Variants in TENM2 observed in about 807,000 individuals in gnomAD.
TENM2 encodes the protein teneurin transmembrane protein 2, also known as teneurin-2.
In TENM2, 52 loss-of-function variants were observed where a neutral mutation model predicts 245.2. The observed-to-expected ratio is 0.21, with a 90% CI of 0.17 to 0.27. The LOEUF (loss-of-function observed/expected upper bound fraction) is 0.27. Among genes scored for constraint, TENM2 ranks in the 10% least tolerant of loss-of-function variants. The pLI, the probability that TENM2 is intolerant of heterozygous loss-of-function variation, is 1.00. For missense variants in TENM2, 3,046 were observed against 3,666.8 expected, an observed-to-expected ratio of 0.83 and a Z score of 4.37; for synonymous variants, 1,363 against 1,438.9, an observed-to-expected ratio of 0.95 and a Z score of 1.19.
chr5:167,003,206 C>T, the TENM2 span, among the ~76,000 whole-genome samples: 1 of 151,864 alleles, frequency 6.6e-6, no homozygotes. Context: ...ATAAATTAAA[C>T]AGACATGATA....
intron 2 of TENM2, among the ~76,000 whole-genome samples, chr5:167,556,489 G>A (rs1385846419): frequency 1.3e-5 from 2 of 151,616 alleles, no homozygotes; most frequent in African/African-American, 2.4e-5. Flanking sequence ...TTCTAGTTGT[G>A]TTGATTTTGA....
intron 2 of TENM2, among the ~76,000 whole-genome samples, chr5:167,640,905 ATCTTTCTCT>A (rs1779567628): frequency 3.0e-5 from 3 of 98,810 alleles, no homozygotes; most frequent in Admixed American, 2.2e-4. Context: ...ATATATATAT[ATCTTTCTCT>A]TAAGCTTAGT....
At chr5:168,223,626 C>G (rs1232535346) in intron 23 of TENM2, among the ~76,000 whole-genome samples, 1 of 152,010 alleles carries the variant, frequency 6.6e-6, no homozygotes, top group Non-Finnish European at 1.5e-5. Context: ...GGCACTGCGC[C>G]CAGCTAATTT....
At chr5:167,721,616 C>G (rs762032587) in intron 2 of TENM2, among the ~76,000 whole-genome samples, 3 of 152,178 alleles carry the variant, frequency 2.0e-5, no homozygotes, top group Non-Finnish European at 4.4e-5. Flanking sequence ...TCACATTTCC[C>G]TCTGACCACA....
the TENM2 span, among the ~76,000 whole-genome samples, chr5:167,019,054 A>T: frequency 6.6e-6 from 1 of 152,180 alleles, no homozygotes; most frequent in African/African-American, 2.4e-5. Flanking sequence ...TGAGCTTTGC[A>T]TTCCTATTTT....
chr5:167,204,196 ATAAGGGG>A, the TENM2 span, among the ~76,000 whole-genome samples: 1 of 152,192 alleles, frequency 6.6e-6, no homozygotes, highest in South Asian at 2.1e-4. Context: ...AATGAAAGAA[ATAAGGGG>A]TAATGGCCTG....
chr5:167,039,703 G>C, the TENM2 span, among the ~76,000 whole-genome samples: 1 of 149,218 alleles, frequency 6.7e-6, no homozygotes, highest in East Asian at 2.0e-4. Context: ...TTACATAAGT[G>C]TTAGCATTGG....
At position 167,767,195 on chromosome 5, in the gene TENM2, AC is replaced by A. The variant is rs201425060; in HGVS notation, c.503-108789del. Among the ~76,000 whole-genome samples the A allele has an allele frequency of 6.9e-3, 1,055 of 152,348 alleles. 5 individuals carry two copies. Among genetic ancestry groups the A allele is most frequent in the Non-Finnish European group, 0.011 (770 of 68,040 alleles). Reference sequence around the variant, plus strand: ...GAATACACAAATGTGGCATACACATACCACAAAATATTATTCAATCTTAAAA... The same window carrying A: ...GAATACACAAATGTGGCATACACATACACAAAATATTATTCAATCTTAAAA... On this transcript the variant is annotated intron_variant, in intron 2 of 28. Transcript: ENST00000518659.
intron 2 of TENM2, among the ~76,000 whole-genome samples, chr5:167,797,892 G>T (rs1765433265): frequency 6.6e-6 from 1 of 152,182 alleles, no homozygotes; most frequent in Admixed American, 6.5e-5. Context: ...GGAAAACATG[G>T]ATCTAACACA....
chr5:167,235,048 A>C, the TENM2 span, among the ~76,000 whole-genome samples: 5 of 152,122 alleles, frequency 3.3e-5, no homozygotes, highest in African/African-American at 1.2e-4. Context: ...AACAGTAGGA[A>C]TGTATTTCCT....
intron 2 of TENM2, among the ~76,000 whole-genome samples, chr5:167,679,022 G>C (rs774400781): frequency 1.2e-4 from 18 of 152,062 alleles, no homozygotes; most frequent in Admixed American, 2.6e-4. Flanking sequence ...TGAACATAAA[G>C]TAATTAAAAG....
chr5:167,246,463 AATCTAT>A, the TENM2 span, among the ~76,000 whole-genome samples: 1 of 151,714 alleles, frequency 6.6e-6, no homozygotes, highest in Non-Finnish European at 1.5e-5. Context: ...AATATGAAAG[AATCTAT>A]ATGTATATGT....
chr5:167,647,432 G>C (rs1780036470), intron 2 of TENM2, among the ~76,000 whole-genome samples: 1 of 152,100 alleles, frequency 6.6e-6, no homozygotes, highest in Non-Finnish European at 1.5e-5. Context: ...AGATAAGCCT[G>C]ACCAACATGG....
chr5:167,333,890 G>GA (rs913990519), intron 1 of TENM2, among the ~76,000 whole-genome samples: 12 of 152,022 alleles, frequency 7.9e-5, no homozygotes, highest in Admixed American at 6.6e-4. Flanking sequence ...AGCAATATTA[G>GA]AAAAAAATAG....
chr5:167,489,199 T>C (rs1445082533), intron 2 of TENM2, among the ~76,000 whole-genome samples: 1 of 152,214 alleles, frequency 6.6e-6, no homozygotes, highest in African/African-American at 2.4e-5. Context: ...CATGTTGACC[T>C]TTATTTCAAA....
the TENM2 span, among the ~76,000 whole-genome samples, chr5:167,234,565 T>C: frequency 6.6e-6 from 1 of 152,210 alleles, no homozygotes; most frequent in Non-Finnish European, 1.5e-5. Context: ...AGAGGTCAAC[T>C]TGAAAATGTC....
chr5:168,158,846 T>C lies in TENM2; in HGVS notation c.2423-3765T>C, dbSNP rs1235366684. ...GTGTGTGTGTATATATATATATATATATATACACACACACACACACACATA... is the reference window on the plus strand; with the variant it reads ...GTGTGTGTGTATATATATATATATACATATACACACACACACACACACATA... On this transcript the variant is annotated intron_variant, in intron 12 of 28. Coordinates refer to ENST00000518659, the Ensembl canonical transcript of TENM2. Among the ~76,000 whole-genome samples, 130 of 85,710 alleles carry C rather than the reference T, an allele frequency of 1.5e-3. 3 individuals are homozygous for C. Among genetic ancestry groups the C allele is most frequent in the African/African-American group, 4.2e-3 (101 of 23,984 alleles). The allele number at this position is 85,710 out of a possible 152,430, so 56.2% of individuals were successfully genotyped here.
At chr5:167,060,395 G>A in the TENM2 span, among the ~76,000 whole-genome samples, 1 of 151,810 alleles carries the variant, frequency 6.6e-6, no homozygotes, top group East Asian at 1.9e-4. Context: ...GGTCACGCCT[G>A]TAATCCCAGC....
intron 2 of TENM2, among the ~76,000 whole-genome samples, chr5:167,389,270 A>ATATC (rs1554143117): frequency 6.7e-6 from 1 of 148,970 alleles, no homozygotes; most frequent in African/African-American, 2.5e-5. Context: ...ATATATATAT[A>ATATC]TCCATGCATA....
Sources: gnomAD v4.1 joint callset for allele counts (sites outside exome capture counted in the v4.1 genomes callset) on GRCh38, gnomAD v4.1.1 for gene constraint, MANE v1.5 for transcripts, NCBI Gene and HGNC (gene_info 2026-07-23, HGNC 2026-07-21) for gene names.